CREB5: variants seen among roughly 807,000 people sequenced by gnomAD.
CREB5 encodes the protein cAMP responsive element binding protein 5, also known as cyclic AMP-responsive element-binding protein 5.
CREB5 carries 19 observed loss-of-function variants against 57.1 expected under a neutral mutation model. The observed-to-expected ratio is 0.33, with a 90% CI of 0.23 to 0.49. CREB5 has a LOEUF of 0.49. Ranked by LOEUF, CREB5 falls within the 20% of genes least tolerant of loss-of-function variation. The pLI, the probability that CREB5 is intolerant of heterozygous loss-of-function variation, is 0.99. For synonymous variants in CREB5, 238 were observed against 238.3 expected, an observed-to-expected ratio of 1.00 and a Z score of 0.01; for missense variants, 579 against 671.6, an observed-to-expected ratio of 0.86 and a Z score of 1.52.
chr7:28,737,587 A>ATATATATATATATATATATATATAT (rs1804103859), intron 7 of CREB5, among the ~76,000 whole-genome samples: 1 of 102,756 alleles, frequency 9.7e-6, no homozygotes, highest in Non-Finnish European at 1.9e-5. Flanking sequence ...ATATATATAT[A>ATATATATATATATATATATATATAT]TTTTTAACTC....
intron 5 of CREB5, among the ~76,000 whole-genome samples, chr7:28,645,332 A>G (rs1464345963): frequency 1.3e-5 from 2 of 152,212 alleles, no homozygotes; most frequent in Non-Finnish European, 2.9e-5. Flanking sequence ...ATACTAACAT[A>G]AAACTACAGT....
upstream of CREB5, among the ~76,000 whole-genome samples, chr7:28,409,155 G>GCCGCTC (rs1787660703): frequency 6.6e-6 from 1 of 151,588 alleles, no homozygotes; most frequent in Admixed American, 6.6e-5. The surrounding 1 kb of genome is among the most constrained non-coding windows in gnomAD (Gnocchi z 4.4). Context: ...CCCCGCCGCT[G>GCCGCTC]CCGCTCCCGG....
At chr7:28,611,389 C>T (rs2128677267) in intron 5 of CREB5, among the ~76,000 whole-genome samples, 1 of 149,486 alleles carries the variant, frequency 6.7e-6, no homozygotes, top group Non-Finnish European at 1.5e-5. Context: ...CAGTGGCTCA[C>T]ACCTGTAATC....
chr7:28,419,431 C>T (rs1001903076), intron 1 of CREB5, among the ~76,000 whole-genome samples: 1 of 152,224 alleles, frequency 6.6e-6, no homozygotes, highest in Non-Finnish European at 1.5e-5. Flanking sequence ...CATTTGCAGT[C>T]TCTGTCTGCA....
chr7:28,382,835 G>T (rs1786992970), intron 1 of CREB5, among the ~76,000 whole-genome samples: 1 of 151,696 alleles, frequency 6.6e-6, no homozygotes, highest in Non-Finnish European at 1.5e-5. Context: ...AAGAGAACGG[G>T]GTCATTATCT....
chr7:28,658,439 G>A (rs1253000248), intron 5 of CREB5, among the ~76,000 whole-genome samples: 2 of 152,096 alleles, frequency 1.3e-5, no homozygotes, highest in East Asian at 1.9e-4. Flanking sequence ...GGAGTTTCAC[G>A]CAGGCTGGAG....
At chr7:28,587,431 C>T (rs1050569178) in intron 5 of CREB5, among the ~76,000 whole-genome samples, 2 of 151,898 alleles carry the variant, frequency 1.3e-5, no homozygotes, top group East Asian at 1.9e-4. Context: ...GTCATCAGTG[C>T]GCTGTTTGGG....
intron 1 of CREB5, among the ~76,000 whole-genome samples, chr7:28,416,186 C>A (rs1185198889): frequency 1.3e-5 from 2 of 152,148 alleles, no homozygotes; most frequent in Admixed American, 6.5e-5. Context: ...TGTTTGCATG[C>A]GATTTTATAT....
intron 7 of CREB5, among the ~76,000 whole-genome samples, chr7:28,800,592 G>C (rs1332313908): frequency 6.6e-6 from 1 of 152,192 alleles, no homozygotes; most frequent in Non-Finnish European, 1.5e-5. Context: ...GTAAGTGTCA[G>C]TTCTTCACAA....
intron 7 of CREB5, among the ~76,000 whole-genome samples, chr7:28,728,727 G>A (rs934958489): frequency 1.3e-5 from 2 of 152,200 alleles, no homozygotes; most frequent in Non-Finnish European, 2.9e-5. Context: ...CCATGAATGA[G>A]AAATGAATTT....
At chr7:28,491,059 G>A (rs144393871) in intron 2 of CREB5, 4 of 286,272 alleles carry the variant, frequency 1.4e-5, no homozygotes, top group East Asian at 1.8e-4. Context: ...GAACGGGGGC[G>A]GAGGCCAAAC....
intron 4 of CREB5, among the ~76,000 whole-genome samples, chr7:28,539,217 G>A (rs970934001): frequency 6.6e-6 from 1 of 152,110 alleles, no homozygotes; most frequent in African/African-American, 2.4e-5. Context: ...TTTTCAGAAT[G>A]GTACCTGGCA....
intron 7 of CREB5, among the ~76,000 whole-genome samples, chr7:28,750,677 CAT>C (rs1420911349): frequency 1.3e-5 from 2 of 152,088 alleles, no homozygotes; most frequent in Admixed American, 6.5e-5. Flanking sequence ...ATGATTAAAA[CAT>C]ATGAATTAAG....
At chr7:28,545,258 G>T (rs1047795988) in intron 4 of CREB5, among the ~76,000 whole-genome samples, 1 of 151,988 alleles carries the variant, frequency 6.6e-6, no homozygotes, top group African/African-American at 2.4e-5. Flanking sequence ...AGAATAGAAG[G>T]TTTTCCTTTT....
intron 1 of CREB5, among the ~76,000 whole-genome samples, chr7:28,406,666 A>G (rs1787587056): frequency 6.6e-6 from 1 of 152,240 alleles, no homozygotes; most frequent in African/African-American, 2.4e-5. Context: ...GGCCACCGCC[A>G]GTGGAGGCAC....
chr7:28,664,690 T>C (rs969838637), intron 5 of CREB5, among the ~76,000 whole-genome samples: 5 of 152,126 alleles, frequency 3.3e-5, no homozygotes, highest in Non-Finnish European at 7.3e-5. Flanking sequence ...ATGCCGTCTG[T>C]TTTTTTCCAA....
At chr7:28,642,979 C>CACACATACACACACACACAT in intron 5 of CREB5, among the ~76,000 whole-genome samples, 1 of 101,292 alleles carries the variant, frequency 9.9e-6, no homozygotes, top group African/African-American at 3.5e-5. Context: ...CACACACACA[C>CACACATACACACACACACAT]ACACACATAC....
At chr7:28,765,649 T>C (rs1805923117) in intron 7 of CREB5, among the ~76,000 whole-genome samples, 2 of 152,114 alleles carry the variant, frequency 1.3e-5, no homozygotes, top group Admixed American at 1.3e-4. Flanking sequence ...GACGAAAATA[T>C]TTGGTAGAGA....
chr7:28,534,125 GA>G (rs71555748), intron 4 of CREB5, among the ~76,000 whole-genome samples: 9 of 152,212 alleles, frequency 5.9e-5, no homozygotes, highest in African/African-American at 1.9e-4. Context: ...ATTTCCAGAA[GA>G]AAAAAATAAG....
Sources: gnomAD v4.1 joint callset for allele counts (sites outside exome capture counted in the v4.1 genomes callset) on GRCh38, gnomAD v4.1.1 for gene constraint, Gnocchi (gnomAD v3.1) non-coding constraint, MANE v1.5 for transcripts, NCBI Gene and HGNC (gene_info 2026-07-23, HGNC 2026-07-21) for gene names.